The following RBFOX1 variants were observed in gnomAD, a reference collection of about 807,000 sequenced individuals.
The protein encoded by RBFOX1 is RNA binding protein fox-1 homolog 1.
RBFOX1 carries 8 observed loss-of-function variants against 57.7 expected under a neutral mutation model. The ratio of observed to expected loss-of-function variants is 0.14; its 90% CI spans 0.08 to 0.25. RBFOX1 has a LOEUF of 0.25. RBFOX1 is among the 10% of genes least tolerant of loss of function. The pLI is 1.00. For synonymous variants in RBFOX1, 326 were observed against 222.4 expected (o/e 1.47, Z -4.15); for missense variants, 611 against 548.5 (o/e 1.11, Z -1.14).
intron 4 of RBFOX1, among the ~76,000 whole-genome samples, chr16:6,002,433 C>G (rs536163184): frequency 6.6e-6 from 1 of 152,214 alleles, no homozygotes; most frequent in Non-Finnish European, 1.5e-5. Flanking sequence ...ACAAGACTCA[C>G]TTTCCACATG....
chr16:7,046,237 GGTGT>G (rs34943266), intron 3 of RBFOX1, among the ~76,000 whole-genome samples: 2,305 of 146,610 alleles, frequency 0.016, 39 homozygotes, highest in African/African-American at 0.042. Flanking sequence ...TAGGTAAAGG[GGTGT>G]GTGTGTGTGT....
intron 1 of RBFOX1, among the ~76,000 whole-genome samples, chr16:6,301,316 T>G (rs2078797199): frequency 6.6e-6 from 1 of 152,180 alleles, no homozygotes; most frequent in Non-Finnish European, 1.5e-5. Flanking sequence ...AGAAATTAAG[T>G]GGGCTTTTGT....
intron 1 of RBFOX1, among the ~76,000 whole-genome samples, chr16:6,250,069 G>A (rs1353883230): frequency 1.3e-5 from 2 of 152,124 alleles, no homozygotes; most frequent in African/African-American, 2.4e-5. Context: ...CCAGGCACGT[G>A]GCAGGGTGAG....
chr16:6,786,613 T>C (rs1228042440), intron 3 of RBFOX1, among the ~76,000 whole-genome samples: 1 of 152,114 alleles, frequency 6.6e-6, no homozygotes, highest in East Asian at 1.9e-4. Context: ...CCCTGATCCT[T>C]ATGAAGGGGA....
intron 1 of RBFOX1, among the ~76,000 whole-genome samples, chr16:5,377,029 G>T (rs1248389881): frequency 3.3e-5 from 5 of 151,592 alleles, no homozygotes; most frequent in Non-Finnish European, 5.9e-5. Context: ...TTCATCTCAG[G>T]ATCCACTTCT....
chr16:6,519,053 C>A (rs938206079), intron 2 of RBFOX1, among the ~76,000 whole-genome samples: 15 of 151,874 alleles, frequency 9.9e-5, no homozygotes, highest in African/African-American at 3.6e-4. Flanking sequence ...TAACTACTTT[C>A]TCCCTTCTCG....
intron 4 of RBFOX1, among the ~76,000 whole-genome samples, chr16:7,365,250 C>T (rs1467546508): frequency 6.6e-6 from 1 of 152,172 alleles, no homozygotes; most frequent in Non-Finnish European, 1.5e-5. Flanking sequence ...ACAGATGATA[C>T]ACTCAATGGG....
chr16:6,477,325 A>G (rs1404251508), intron 2 of RBFOX1, among the ~76,000 whole-genome samples: 2 of 152,232 alleles, frequency 1.3e-5, no homozygotes, highest in Non-Finnish European at 1.5e-5. Context: ...TTCCTAAATA[A>G]TAAGACTGGA....
intron 4 of RBFOX1, among the ~76,000 whole-genome samples, chr16:5,934,797 A>G (rs1035763156): frequency 2.0e-5 from 3 of 152,208 alleles, no homozygotes; most frequent in Admixed American, 2.0e-4. Flanking sequence ...ATGGATGAAT[A>G]ACATACTCAG....
At chr16:5,537,974 G>A (rs2151052047) in intron 2 of RBFOX1, among the ~76,000 whole-genome samples, 1 of 152,226 alleles carries the variant, frequency 6.6e-6, no homozygotes, top group African/African-American at 2.4e-5. Context: ...TCACTAGGAG[G>A]TGTGACTCCC....
intron 3 of RBFOX1, among the ~76,000 whole-genome samples, chr16:5,690,569 C>T (rs1185463313): frequency 1.3e-5 from 1 of 74,610 alleles, no homozygotes; most frequent in Non-Finnish European, 5.1e-5. Flanking sequence ...TGCTTGAAAA[C>T]AAACAAACAA....
At chr16:6,141,804 C>A (rs1382531085) in intron 1 of RBFOX1, among the ~76,000 whole-genome samples, 1 of 152,090 alleles carries the variant, frequency 6.6e-6, no homozygotes, top group South Asian at 2.1e-4. Flanking sequence ...AATCTGTAAT[C>A]TCAGCACACT....
chr16:6,489,172 G>C (rs938728687), intron 2 of RBFOX1, among the ~76,000 whole-genome samples: 10 of 152,036 alleles, frequency 6.6e-5, no homozygotes, highest in Admixed American at 5.9e-4. Flanking sequence ...TTCTTTCCTT[G>C]GTACTCTTGT....
chr16:5,504,771 A>G lies in RBFOX1; in HGVS notation c.258+37517A>G, dbSNP rs567703266. Among the ~76,000 whole-genome samples the G allele has an allele frequency of 5.3e-5, 8 of 152,272 alleles. No individual in the cohort carries two copies. The South Asian group carries it at 1.7e-3, about 32-fold the overall frequency. ...TCACCAGCCCCACCTTCAGAGGAGG[A>G]TGCGGAGGCTTGGGAAGACCAAGGG... On this transcript the variant is annotated intron_variant, in intron 2 of 2. Coordinates refer to the RBFOX1 transcript ENST00000585867.
rs374648885 is a variant in RBFOX1 at position 6,779,973 on chromosome 16, T to TTA, written c.-16+125329_-16+125330dup. ...TATATATTTATATATTTATATATAT[T>TTA]TATATATTTATATATTTATATATTT... On this transcript the variant is annotated intron_variant, in intron 3 of 15. Coordinates refer to ENST00000550418, the MANE Select transcript of RBFOX1 (RefSeq NM_018723.4). 1.2e-4 allele frequency among the ~76,000 whole-genome samples: 3 copies of TTA among 25,980 alleles called. 1 individual carries two copies. Among genetic ancestry groups the TTA allele is most frequent in the African/African-American group, 4.4e-4 (2 of 4,536 alleles). 17.0% of individuals were successfully genotyped at this position (25,980 alleles called of 152,430 possible). A position where few individuals can be genotyped will look rare whatever the true frequency, so the allele number is the denominator to read the frequency against.
At chr16:5,922,879 T>G (rs1332080704) in intron 4 of RBFOX1, among the ~76,000 whole-genome samples, 1 of 152,238 alleles carries the variant, frequency 6.6e-6, no homozygotes, top group Admixed American at 6.5e-5. Context: ...CCACTGGGCT[T>G]GGCAGACACC....
intron 2 of RBFOX1, among the ~76,000 whole-genome samples, chr16:6,326,244 G>A (rs1462432365): frequency 1.3e-5 from 2 of 152,074 alleles, no homozygotes; most frequent in East Asian, 1.9e-4. Context: ...AATAGCTATG[G>A]AAAAATTTTG....
At chr16:6,201,280 C>G (rs1434803021) in intron 1 of RBFOX1, among the ~76,000 whole-genome samples, 1 of 152,070 alleles carries the variant, frequency 6.6e-6, no homozygotes, top group African/African-American at 2.4e-5. Context: ...AGGTGCAGAC[C>G]TCTTCTTTAT....
At chr16:7,641,867 A>T (rs909977816) in intron 11 of RBFOX1, among the ~76,000 whole-genome samples, 11 of 152,194 alleles carry the variant, frequency 7.2e-5, no homozygotes, top group Non-Finnish European at 1.6e-4. Flanking sequence ...ATTGTTGTGC[A>T]GCGTCCTCCA....
Sources: gnomAD v4.1 joint callset for allele counts (sites outside exome capture counted in the v4.1 genomes callset) on GRCh38, gnomAD v4.1.1 for gene constraint, MANE v1.5 for transcripts, NCBI Gene and HGNC (gene_info 2026-07-23, HGNC 2026-07-21) for gene names.